NINL: variants seen among roughly 807,000 people sequenced by gnomAD.
The protein encoded by NINL is ninein-like protein.
A neutral mutation model predicts 160.3 loss-of-function variants in NINL; 153 were observed. The observed-to-expected ratio is 0.95, with a 90% CI of 0.84 to 1.09. The LOEUF (loss-of-function observed/expected upper bound fraction) is 1.09. NINL is among the 50% of genes least tolerant of loss of function. The pLI is 0.00. For missense variants in NINL, 1,829 were observed against 1,764.0 expected, an observed-to-expected ratio of 1.04 and a Z score of -0.66; for synonymous variants, 800 against 734.8, an observed-to-expected ratio of 1.09 and a Z score of -1.43.
At chr20:25,499,283 C>T (rs979197344) in intron 8 of NINL, 48 of 955,556 alleles carry the variant, frequency 5.0e-5, no homozygotes, top group African/African-American at 8.8e-5. Context: ...GGGACAGAAC[C>T]GCCACAGCAG....
intron 1 of NINL, among the ~76,000 whole-genome samples, chr20:25,554,033 G>A (rs1208314522): frequency 1.3e-5 from 2 of 152,248 alleles, no homozygotes; most frequent in Non-Finnish European, 2.9e-5. Flanking sequence ...ACGGGTCAGG[G>A]CAGAAGGACC....
chr20:25,550,419 CACAGAG>C (rs1219611591), intron 1 of NINL, among the ~76,000 whole-genome samples: 2 of 152,230 alleles, frequency 1.3e-5, no homozygotes, highest in Non-Finnish European at 2.9e-5. Context: ...AGAAATAAGA[CACAGAG>C]ACAAAGTATA....
At chr20:25,568,672 A>T (rs1035377598) in intron 1 of NINL, among the ~76,000 whole-genome samples, 1 of 151,918 alleles carries the variant, frequency 6.6e-6, no homozygotes, top group Non-Finnish European at 1.5e-5. Context: ...CAGCCTTCCA[A>T]AGTTCTGGGA....
At chr20:25,520,180 C>A (rs541580982) in intron 2 of NINL, among the ~76,000 whole-genome samples, 4 of 151,964 alleles carry the variant, frequency 2.6e-5, no homozygotes, top group Non-Finnish European at 4.4e-5. Context: ...TACACAGGTG[C>A]GCTCAGTTTG....
At chr20:25,461,397 A>G in intron 21 of NINL, 125 bp downstream of exon 21, 2 of 627,122 alleles carry the variant, frequency 3.2e-6, no homozygotes, top group Admixed American at 3.0e-5. Context: ...GCACCTGGAC[A>G]GCTGTGCCCA....
intron 1 of NINL, among the ~76,000 whole-genome samples, chr20:25,566,224 G>A (rs1215311762): frequency 6.6e-6 from 1 of 152,016 alleles, no homozygotes; most frequent in Admixed American, 6.6e-5. Flanking sequence ...AAAATAGTTG[G>A]GAAACAAAAA....
intron 2 of NINL, among the ~76,000 whole-genome samples, chr20:25,524,468 G>C (rs2064318637): frequency 6.6e-6 from 1 of 152,182 alleles, no homozygotes. Flanking sequence ...ATCCCAGGGG[G>C]AGCTGAGTCA....
At chr20:25,459,306 G>A (rs1418650854) in intron 21 of NINL, among the ~76,000 whole-genome samples, 1 of 152,094 alleles carries the variant, frequency 6.6e-6, no homozygotes, top group African/African-American at 2.4e-5. Context: ...TGCCAGGTCC[G>A]GCTTCCCTTC....
intron 1 of NINL, among the ~76,000 whole-genome samples, chr20:25,551,467 CA>C (rs1387428838): frequency 6.6e-6 from 1 of 152,004 alleles, no homozygotes; most frequent in African/African-American, 2.4e-5. Flanking sequence ...GGGTGTTCAA[CA>C]AAAATGGTCA....
At chr20:25,465,422 G>A (rs1219726899) in intron 19 of NINL, among the ~76,000 whole-genome samples, 1 of 152,206 alleles carries the variant, frequency 6.6e-6, no homozygotes, top group Non-Finnish European at 1.5e-5. Context: ...CAGGGACTCA[G>A]TGGGAATAAC....
At chr20:25,560,721 C>T (rs2064924088) in intron 1 of NINL, among the ~76,000 whole-genome samples, 1 of 152,074 alleles carries the variant, frequency 6.6e-6, no homozygotes, top group African/African-American at 2.4e-5. Context: ...TTCACTGTCT[C>T]CTCTTTCTAA....
intron 4 of NINL, among the ~76,000 whole-genome samples, chr20:25,510,958 G>A (rs979270380): frequency 2.0e-5 from 3 of 152,172 alleles, no homozygotes; most frequent in Non-Finnish European, 4.4e-5. Context: ...GGGCTGGGCC[G>A]GGGAGACAGG....
intron 19 of NINL, among the ~76,000 whole-genome samples, chr20:25,462,973 T>A (rs1306176145): frequency 1.3e-5 from 2 of 152,134 alleles, no homozygotes; most frequent in African/African-American, 4.8e-5. Flanking sequence ...CCCCCTAAAA[T>A]ACTTTTAAGC....
intron 15 of NINL, 38 bp downstream of exon 15, chr20:25,480,123 T>C (rs2063355187): frequency 1.4e-6 from 2 of 1,465,434 alleles, no homozygotes; most frequent in East Asian, 2.3e-5. Flanking sequence ...ACACAGCAGC[T>C]ACTCCCCCAG....
intron 1 of NINL, among the ~76,000 whole-genome samples, chr20:25,563,062 AG>A (rs1219935809): frequency 6.6e-6 from 1 of 152,216 alleles, no homozygotes; most frequent in African/African-American, 2.4e-5. Flanking sequence ...GCTACTTAGG[AG>A]GCTGAGGCAG....
intron 19 of NINL, among the ~76,000 whole-genome samples, chr20:25,463,552 G>A (rs760677446): frequency 6.6e-5 from 10 of 152,244 alleles, no homozygotes; most frequent in Non-Finnish European, 1.5e-4. Flanking sequence ...AAGTGGCCCT[G>A]CGGTCTGGAC....
chr20:25,496,631 G>C, intron 10 of NINL, 32 bp downstream of exon 10: 4 of 1,611,236 alleles, frequency 2.5e-6, no homozygotes, highest in Non-Finnish European at 3.4e-6. Flanking sequence ...GGAGGCCCAG[G>C]TAAGAATCCA....
chr20:25,500,945 C>G lies in NINL; in HGVS notation c.927G>C (p.Leu309=). Residue 309 remains leucine, a synonymous_variant, in exon 8 of 24, where the codon CTG becomes CTC. Transcript: ENST00000278886. ...CATCGTCAATGCTGGAGAAGAGGCG[C>G]AGGCTGGAGCACAGGGACACGAGGG... is the stretch of plus-strand genomic sequence containing the variant. ...TSSLVSLCSS[L]RLFSSIDDGS... 6.2e-7 allele frequency: 1 copy of G among 1,614,230 alleles called. No individual in the cohort carries two copies. Among genetic ancestry groups the G allele is most frequent in the Non-Finnish European group, 8.5e-7 (1 of 1,180,036 alleles).
rs762323174 is a variant in NINL, at chr20:25,479,205, A to G, written c.1919T>C (p.Val640Ala). Residue 640 changes from valine (V) to alanine (A), a missense_variant and splice_region_variant, in exon 16 of 24, where the codon GTA becomes GCA. By Grantham distance (64) the Val-to-Ala change is moderately conservative. Transcript: ENST00000278886. The stretch of plus-strand genomic sequence containing the variant: ...CGCAATTTCCCTTTCGTAGTAATTT[A>G]CCTAAAACGAGAAACATGAGCCCCG... ...QDLRTQLETK[V>A]NYYEREIAAL... 6.2e-6 allele frequency: 10 copies of G among 1,600,582 alleles called. No homozygotes were observed. The East Asian group carries it at 9.0e-5, about 14-fold the overall frequency.
Sources: allele counts gnomAD v4.1 joint callset (sites outside exome capture counted in the v4.1 genomes callset), GRCh38; gene constraint gnomAD v4.1.1; transcripts MANE v1.5; gene names NCBI Gene and HGNC (gene_info 2026-07-23, HGNC 2026-07-21).